The following GDPD4 variants were observed in gnomAD, a reference collection of about 807,000 sequenced individuals.
GDPD4 encodes glycerophosphodiester phosphodiesterase 6.
In GDPD4, 60 loss-of-function variants were observed where a neutral mutation model predicts 67.8. The ratio of observed to expected loss-of-function variants is 0.88; its 90% CI spans 0.72 to 1.10. The LOEUF (loss-of-function observed/expected upper bound fraction) is 1.10, where lower values mean the gene tolerates loss of function less well. Ranked by LOEUF, GDPD4 falls within the 50% of genes least tolerant of loss-of-function variation. The pLI is 0.00. For synonymous variants in GDPD4, 212 were observed against 210.9 expected, an observed-to-expected ratio of 1.00 and a Z score of -0.04; for missense variants, 623 against 613.9, an observed-to-expected ratio of 1.01 and a Z score of -0.16.
intron 16 of GDPD4, among the ~76,000 whole-genome samples, chr11:77,220,995 T>C (rs1282851506): frequency 6.6e-6 from 1 of 152,178 alleles, no homozygotes; most frequent in Non-Finnish European, 1.5e-5. Context: ...TGGGAGGGTG[T>C]CCAGGAATTT....
At chr11:77,232,933 C>A in intron 14 of GDPD4, 92 bp downstream of exon 14, 1 of 1,166,762 alleles carries the variant, frequency 8.6e-7, no homozygotes, top group Non-Finnish European at 1.2e-6. Context: ...TAAGTGGCTG[C>A]CCAGGGGATG....
At chr11:77,218,163 C>T (rs191996657) in intron 16 of GDPD4, among the ~76,000 whole-genome samples, 67 of 151,156 alleles carry the variant, frequency 4.4e-4, no homozygotes, top group East Asian at 2.9e-3. Context: ...ATTTTTAGAT[C>T]AATTCCATGA....
intron 14 of GDPD4, among the ~76,000 whole-genome samples, chr11:77,230,256 C>A (rs1412112931): frequency 6.6e-6 from 1 of 152,082 alleles, no homozygotes; most frequent in Non-Finnish European, 1.5e-5. Context: ...AGAATGTTCA[C>A]AAAGAATCAG....
chr11:77,244,693 A>C (rs1482537660), intron 12 of GDPD4, among the ~76,000 whole-genome samples: 1 of 152,098 alleles, frequency 6.6e-6, no homozygotes, highest in Non-Finnish European at 1.5e-5. Flanking sequence ...AAAAAAAATC[A>C]TCTTTGAGAG....
Position 77,285,307 on chromosome 11 carries a change from T to C in GDPD4, c.-50-120A>G, listed in dbSNP as rs60465250. On this transcript the variant is annotated intron_variant, in intron 2 of 16. Coordinates refer to ENST00000315938, the MANE Select transcript of GDPD4 (RefSeq NM_182833.3). Reference sequence around the variant, plus strand: ...CTGCCATGCATTACCCTCCTGAGGCTGGAGTGATCACTCTCTTCTTTTTAC... The same window carrying C: ...CTGCCATGCATTACCCTCCTGAGGCCGGAGTGATCACTCTCTTCTTTTTAC... The C allele has an allele frequency of 6.1e-3, 3,625 of 598,170 alleles. 107 individuals carry two copies. The African/African-American group carries it at 0.061, about 10-fold the overall frequency. 37.1% of individuals were successfully genotyped at this position (598,170 alleles called of 1,614,324 possible).
intron 5 of GDPD4, among the ~76,000 whole-genome samples, chr11:77,272,984 T>C (rs539054416): frequency 6.6e-6 from 1 of 152,294 alleles, no homozygotes; most frequent in African/African-American, 2.4e-5. Flanking sequence ...CCATTAATTA[T>C]ATAACTCTAG....
At position 77,268,940 on chromosome 11, in the gene GDPD4, T is replaced by C. The variant is rs1959192067; in HGVS notation, c.608A>G (p.His203Arg). Residue 203 changes from histidine to arginine, a missense_variant, in exon 9 of 17, where the codon CAT becomes CGT. Physicochemically the swap from His to Arg is conservative, Grantham distance 29. Transcript: ENST00000315938. ...NLGPKPTIFG[H>R]RGAPMLGPEN... ...CAGACCTACCATGGGTGCACCTCTA[T>C]GTCCAAAGATGGTTGGCTTGGGCCC... 6.2e-7 allele frequency: 1 copy of C among 1,614,100 alleles called. No individual in the cohort carries two copies. The highest frequency in any genetic ancestry group is 1.1e-5 in the South Asian group (1 of 91,076).
Position 77,286,609 on chromosome 11 carries a change from G to A in GDPD4, c.-51+609C>T, listed in dbSNP as rs532636429. Among the ~76,000 whole-genome samples the A allele has an allele frequency of 4.6e-5, 7 of 152,260 alleles. 1 individual carries two copies. The South Asian group carries it at 6.2e-4, about 14-fold the overall frequency. ...TGTTTACAAATAAGTAAAGGTACAT[G>A]ATTTTGCTCTTCTGTTCTCATTTCA... On this transcript the variant is annotated intron_variant, in intron 2 of 16. Coordinates refer to ENST00000315938, the MANE Select transcript of GDPD4 (RefSeq NM_182833.3).
intron 1 of GDPD4, among the ~76,000 whole-genome samples, chr11:77,291,239 G>A (rs76206461): frequency 0.024 from 3,659 of 152,286 alleles, 160 homozygotes; most frequent in African/African-American, 0.084. Context: ...GGTACTGGTG[G>A]TCATTATGTT....
At chr11:77,269,111 T>G (rs771801729) in intron 8 of GDPD4, 42 bp from the exon 9 acceptor site, 3 of 1,587,718 alleles carry the variant, frequency 1.9e-6, no homozygotes, top group African/African-American at 1.3e-5. Flanking sequence ...GAAAAAGAGA[T>G]AAAGAGGGAT....
At chr11:77,243,543 G>T in intron 13 of GDPD4, 151 bp downstream of exon 13, 1 of 660,168 alleles carries the variant, frequency 1.5e-6, no homozygotes, top group Non-Finnish European at 2.6e-6. Context: ...GAGGGAGGGA[G>T]GAAGGGGTAG....
intron 13 of GDPD4, among the ~76,000 whole-genome samples, chr11:77,233,385 G>A (rs571466050): frequency 2.0e-5 from 3 of 147,914 alleles, no homozygotes; most frequent in South Asian, 2.2e-4. Flanking sequence ...TAGCAACAGT[G>A]GTGTGCTGGT....
intron 16 of GDPD4, among the ~76,000 whole-genome samples, chr11:77,219,754 C>CAGTAAGTA (rs55926304): frequency 1.3e-5 from 2 of 151,508 alleles, no homozygotes; most frequent in Non-Finnish European, 3.0e-5. Context: ...GTTTTGGTAC[C>CAGTAAGTA]AGTACCATGC....
intron 11 of GDPD4, among the ~76,000 whole-genome samples, chr11:77,254,362 T>A (rs1958962295): frequency 6.6e-6 from 1 of 152,164 alleles, no homozygotes; most frequent in African/African-American, 2.4e-5. Flanking sequence ...TTCCTTCCAT[T>A]CTCTATGTGG....
Position 77,217,283 on chromosome 11 carries a change from A to C in GDPD4, c.1557T>G (p.Asp519Glu), listed in dbSNP as rs1328504377. ...DTQSGSKNEE[D>E]R The stretch of plus-strand genomic sequence containing the variant: ...TATGTGCAAATCTATCTATCTATCT[A>C]TCTTCCTCATTCTTACTTCCACTCT... Residue 519 changes from aspartate to glutamate, a missense_variant, in exon 17 of 17, where the codon GAT becomes GAG. Transcript: ENST00000315938. 1.2e-6 allele frequency: 2 copies of C among 1,606,662 alleles called. No homozygotes were observed. Among genetic ancestry groups the C allele is most frequent in the Non-Finnish European group, 1.7e-6 (2 of 1,173,230 alleles).
intron 7 of GDPD4, among the ~76,000 whole-genome samples, chr11:77,270,244 G>A (rs1294048053): frequency 1.3e-5 from 2 of 152,204 alleles, no homozygotes; most frequent in South Asian, 2.1e-4. Context: ...AAACAGTTTA[G>A]TGTACAGATC....
In GDPD4 at chr11:77,283,851, A is replaced by ATTTTTT. The variant is rs71272229; in HGVS notation, c.53+1228_53+1233dup. Among the ~76,000 whole-genome samples, 787 of 124,498 alleles carry ATTTTTT rather than the reference A, an allele frequency of 6.3e-3. 13 individuals are homozygous for ATTTTTT. Among genetic ancestry groups the ATTTTTT allele is most frequent in the African/African-American group, 0.023 (764 of 33,902 alleles). 81.7% of individuals were successfully genotyped at this position (124,498 alleles called of 152,430 possible). On this transcript the variant is annotated intron_variant, in intron 3 of 16. Coordinates refer to ENST00000315938, the MANE Select transcript of GDPD4 (RefSeq NM_182833.3). ...AGTACTTTGGCAACAGACATAATGAATTTTTTTTTTTTTTTTTTTTTTGAG... is the reference window on the plus strand; with the variant it reads ...AGTACTTTGGCAACAGACATAATGAATTTTTTTTTTTTTTTTTTTTTTTTTTTTGAG...
rs181977725 is a variant in GDPD4, at chr11:77,294,198, T to C, written c.-253-6778A>G. 7.0e-4 allele frequency among the ~76,000 whole-genome samples: 107 copies of C among 152,312 alleles called. 1 individual carries two copies. ...ATCTGAAGTTTAGTTACCAGTAATG[T>C]ACTAACGTTATCTTAGTTTTAACGA... is the stretch of plus-strand genomic sequence containing the variant. On this transcript the variant is annotated intron_variant, in intron 1 of 16. Transcript: ENST00000315938.
rs374527603 is a variant in GDPD4 at position 77,218,918 on chromosome 11, A to G, written c.1526-1604T>C. Among the ~76,000 whole-genome samples, 10 of 152,260 alleles carry G rather than the reference A, an allele frequency of 6.6e-5. No homozygotes were observed. The South Asian group carries it at 1.3e-3, about 19-fold the overall frequency. On this transcript the variant is annotated intron_variant, in intron 16 of 16. Coordinates refer to ENST00000315938, the MANE Select transcript of GDPD4 (RefSeq NM_182833.3). ...TGGGTATATACCCAGTAATGGGATC[A>G]CTGGGTCAAATGGTATTTCTAGTTC... is the stretch of plus-strand genomic sequence containing the variant.
Sources: gnomAD v4.1 joint callset for allele counts (sites outside exome capture counted in the v4.1 genomes callset) on GRCh38, gnomAD v4.1.1 for gene constraint, MANE v1.5 for transcripts, NCBI Gene and HGNC (gene_info 2026-07-23, HGNC 2026-07-21) for gene names.